Variants in KMT2A observed in about 807,000 individuals in gnomAD.
The protein encoded by KMT2A is histone-lysine N-methyltransferase 2A.
In KMT2A, 16 loss-of-function variants were observed where a neutral mutation model predicts 345.3. That is an observed-to-expected ratio of 0.05 (90% CI 0.03 to 0.07). The LOEUF is 0.07. KMT2A is among the 10% of genes least tolerant of loss of function. KMT2A has a pLI of 1.00. For missense variants in KMT2A, 3,272 were observed against 4,841.6 expected (o/e 0.68, Z 9.62); for synonymous variants, 1,599 against 1,778.6 (o/e 0.90, Z 2.54).
chr11:118,499,219 G>T (rs1405650583), intron 22 of KMT2A, 84 bp from the exon 23 acceptor site: 6 of 851,418 alleles, frequency 7.0e-6, no homozygotes, highest in Non-Finnish European at 1.2e-5. Flanking sequence ...TATGCTATGT[G>T]CCTTCCACTC....
rs1951006708 is a variant in KMT2A, at chr11:118,523,096, A to G, written c.*924A>G. 4.5e-6 allele frequency: 1 copy of G among 222,530 alleles called. No homozygotes were observed. The highest frequency in any genetic ancestry group is 5.7e-5 in the Admixed American group (1 of 17,426). The allele number at this position is 222,530 out of a possible 1,614,324, so 13.8% of individuals were successfully genotyped here. A position where few individuals can be genotyped will look rare whatever the true frequency, so the allele number is the denominator to read the frequency against. On this transcript the variant is annotated 3_prime_UTR_variant, in exon 36 of 36. Transcript: ENST00000534358. ...AGACAGAATTTGGAAACATTTTCAT[A>G]AAGCTCCATGGAGAGTTTTAAAGAA...
chr11:118,447,914 TA>T (rs1474472843), intron 1 of KMT2A: 1 of 189,186 alleles, frequency 5.3e-6, no homozygotes, highest in Non-Finnish European at 1.1e-5. Context: ...ACAGTCATGG[TA>T]AAAAGGTTAC....
intron 4 of KMT2A, 23 bp from the exon 5 acceptor site, chr11:118,477,944 C>A (rs1439655325): frequency 1.9e-6 from 3 of 1,595,986 alleles, no homozygotes; most frequent in Non-Finnish European, 2.6e-6. Context: ...TCCCTTGGAA[C>A]TAATGCCACA....
rs1555046881 is a variant in KMT2A, at chr11:118,503,803, C to T, written c.7911C>T (p.Leu2637=). ...ACATGTTTTTTGGGCTTACCCCACT[C>T]TATGGAGTAAGATCCTATGGTGAAG... The part of the protein sequence containing the change: ...RSNMFFGLTP[L]YGVRSYGEED... Residue 2637 remains leucine, a synonymous_variant, in exon 27 of 36, where the codon CTC becomes CTT. Transcript: ENST00000534358. This position sits in a 1 kb window ranked among gnomAD's most constrained non-coding sequence, Gnocchi z 5.3. 4 of 1,614,136 alleles carry T rather than the reference C, an allele frequency of 2.5e-6. No individual in the cohort carries two copies. The highest frequency in any genetic ancestry group is 3.4e-6 in the Non-Finnish European group (4 of 1,179,982).
rs1950436271 is a variant in KMT2A at position 118,497,939 on chromosome 11, G to T, written c.5668G>T (p.Ala1890Ser). 4 of 1,609,938 alleles carry T rather than the reference G, an allele frequency of 2.5e-6. No homozygotes were observed. The highest frequency in any genetic ancestry group is 3.4e-6 in the Non-Finnish European group (4 of 1,176,602). Residue 1890 changes from alanine to serine, a missense_variant, in exon 21 of 36, where the codon GCT becomes TCT. Physicochemically the swap from Ala to Ser is moderately conservative, Grantham distance 99. Coordinates refer to ENST00000534358, the MANE Select transcript of KMT2A (RefSeq NM_001197104.2). This position sits in a 1 kb window ranked among gnomAD's most constrained non-coding sequence, Gnocchi z 4.8. ...LTYGDDSAND[A>S]GRLLYIGQNE... ...AAGAAATCTCTTTATTTTATAGGATGCTGGTCGTTTACTATATATTGGCCA... is the reference window on the plus strand; with the variant it reads ...AAGAAATCTCTTTATTTTATAGGATTCTGGTCGTTTACTATATATTGGCCA...
At position 118,522,262 on chromosome 11, in the gene KMT2A, G is replaced by A. The variant is rs971679933; in HGVS notation, c.*90G>A. ...CCTTTTCCAGCAGCTGGGAGCTCCC[G>A]GATTGCGTGGCACAGCTGAGGGGCC... On this transcript the variant is annotated 3_prime_UTR_variant, in exon 36 of 36. Coordinates refer to ENST00000534358, the MANE Select transcript of KMT2A (RefSeq NM_001197104.2). This position sits in a 1 kb window ranked among gnomAD's most constrained non-coding sequence, Gnocchi z 5.4. 57 of 1,413,100 alleles carry A rather than the reference G, an allele frequency of 4.0e-5. No individual in the cohort carries two copies. The highest frequency in any genetic ancestry group is 2.5e-4 in the African/African-American group (18 of 70,860). 87.5% of individuals were successfully genotyped at this position (1,413,100 alleles called of 1,614,324 possible). A position where few individuals can be genotyped will look rare whatever the true frequency, so the allele number is the denominator to read the frequency against.
intron 1 of KMT2A, among the ~76,000 whole-genome samples, chr11:118,466,037 T>TCTTCA (rs1949837399): frequency 2.0e-5 from 3 of 152,166 alleles, no homozygotes; most frequent in Non-Finnish European, 4.4e-5. Flanking sequence ...TGTTTTAAGA[T>TCTTCA]GAAGAGAGAT....
At chr11:118,501,621 T>C (rs1286712258) in intron 25 of KMT2A, 51 bp from the exon 26 acceptor site, 1 of 1,477,478 alleles carries the variant, frequency 6.8e-7, no homozygotes, top group Non-Finnish European at 9.3e-7. Flanking sequence ...TTAATTTGTT[T>C]GATATTTTAA....
chr11:118,446,190 A>T (rs562484392), intron 1 of KMT2A, among the ~76,000 whole-genome samples: 1 of 151,924 alleles, frequency 6.6e-6, no homozygotes, highest in Non-Finnish European at 1.5e-5. Flanking sequence ...CTCTACTTAA[A>T]ATACAATAAT....
Position 118,519,094 on chromosome 11 carries a change from A to T in KMT2A, c.11147-524A>T, listed in dbSNP as rs572907081. ...CTCCATCTCAAAAAAAAAAAAAAAA[A>T]AAAAAGAAAATTAAACTTTAGTGAG... On this transcript the variant is annotated intron_variant, in intron 31 of 35. Coordinates refer to ENST00000534358, the MANE Select transcript of KMT2A (RefSeq NM_001197104.2). Among the ~76,000 whole-genome samples, 358 of 150,824 alleles carry T rather than the reference A, an allele frequency of 2.4e-3. 2 individuals carry two copies. Among genetic ancestry groups the T allele is most frequent in the Non-Finnish European group, 4.0e-3 (274 of 67,688 alleles).
chr11:118,501,656 T>C lies in KMT2A; in HGVS notation c.6320-16T>C, dbSNP rs1368347079. The C allele has an allele frequency of 6.3e-7, 1 of 1,596,044 alleles. No individual in the cohort carries two copies. Among genetic ancestry groups the C allele is most frequent in the Non-Finnish European group, 8.5e-7 (1 of 1,173,288 alleles). On this transcript the variant is annotated splice_polypyrimidine_tract_variant and intron_variant, in intron 25 of 35. Transcript: ENST00000534358. ...ATTGGGCCTTTTTAGTTAAGAGTTTTTATTTCCTGCCACAGAAAGTTCATC... is the reference window on the plus strand; with the variant it reads ...ATTGGGCCTTTTTAGTTAAGAGTTTCTATTTCCTGCCACAGAAAGTTCATC...
At position 118,480,196 on chromosome 11, in the gene KMT2A, C is replaced by A; in HGVS notation, c.3592C>A (p.Gln1198Lys). 6.2e-7 allele frequency: 1 copy of A among 1,613,530 alleles called. No individual in the cohort carries two copies. Among genetic ancestry groups the A allele is most frequent in the South Asian group, 1.1e-5 (1 of 91,076 alleles). Residue 1198 changes from glutamine to lysine, a missense_variant, in exon 6 of 36, where the codon CAA becomes AAA. Physicochemically the swap from Gln to Lys is moderately conservative, Grantham distance 53. Transcript: ENST00000534358. Reference sequence around the variant, plus strand: ...TAGGATGAGAAAATGTCAGAATCTACAATGGATGCCTTCCAAAGCCTACCT... The same window carrying A: ...TAGGATGAGAAAATGTCAGAATCTAAAATGGATGCCTTCCAAAGCCTACCT... ...CCKMRKCQNL[Q>K]WMPSKAYLQK... is the part of the protein sequence containing the mutation.
intron 31 of KMT2A, among the ~76,000 whole-genome samples, chr11:118,512,825 CATT>C (rs1311497608): frequency 2.7e-5 from 4 of 150,804 alleles, no homozygotes; most frequent in Non-Finnish European, 5.9e-5. Context: ...TTATTTTAGA[CATT>C]GTAGTGTGAA....
Position 118,502,250 on chromosome 11 carries a change from CT to C in KMT2A, c.6506-147del. 1.9e-6 allele frequency: 1 copy of C among 533,472 alleles called. No homozygotes were observed. Among genetic ancestry groups the C allele is most frequent in the Non-Finnish European group, 3.0e-6 (1 of 333,264 alleles). 33.0% of individuals were successfully genotyped at this position (533,472 alleles called of 1,614,324 possible). ...CTTGGGTGACAGAGTGAGACACTGT[CT>C]CAAAAAAGTAATAATAAATAAATAG... is the stretch of plus-strand genomic sequence containing the variant. On this transcript the variant is annotated intron_variant, in intron 26 of 35. Transcript: ENST00000534358. This position sits in a 1 kb window ranked among gnomAD's most constrained non-coding sequence, Gnocchi z 4.9.
chr11:118,506,209 C>T lies in KMT2A; in HGVS notation c.10317C>T (p.Gly3439=). ...ICVLPSTQTT[G]ITAASPSGEA... is the part of the protein sequence containing the mutation. Reference sequence around the variant, plus strand: ...TGCTCCCCTCCACTCAGACTACGGGCATAACAGCCGCTTCACCTTCTGGGG... The same window carrying T: ...TGCTCCCCTCCACTCAGACTACGGGTATAACAGCCGCTTCACCTTCTGGGG... The change falls in exon 27 of 36, where the codon GGC becomes GGT. Residue 3439 remains glycine (G), a synonymous_variant. Transcript: ENST00000534358. 6.2e-7 allele frequency: 1 copy of T among 1,614,118 alleles called. No homozygotes were observed. Among genetic ancestry groups the T allele is most frequent in the Non-Finnish European group, 8.5e-7 (1 of 1,180,030 alleles).
Position 118,482,621 on chromosome 11 carries a change from G to C in KMT2A, c.4086+126G>C. The C allele has an allele frequency of 8.7e-6, 6 of 692,244 alleles. No individual in the cohort carries two copies. The South Asian group carries it at 1.2e-4, about 14-fold the overall frequency. 42.9% of individuals were successfully genotyped at this position (692,244 alleles called of 1,614,324 possible). On this transcript the variant is annotated intron_variant, in intron 8 of 35. Transcript: ENST00000534358. Reference sequence around the variant, plus strand: ...TTAAAATTAAGAAACTTCAAGTTTAGGCTTTTAGCTGGGCACGGTGGCTCA... The same window carrying C: ...TTAAAATTAAGAAACTTCAAGTTTACGCTTTTAGCTGGGCACGGTGGCTCA...
In KMT2A at chr11:118,502,350, AT is replaced by A; in HGVS notation, c.6506-45del. The A allele has an allele frequency of 2.2e-6, 3 of 1,341,410 alleles. No homozygotes were observed. The highest frequency in any genetic ancestry group is 3.1e-6 in the Non-Finnish European group (3 of 976,150). 83.1% of individuals were successfully genotyped at this position (1,341,410 alleles called of 1,614,324 possible). A position where few individuals can be genotyped will look rare whatever the true frequency, so the allele number is the denominator to read the frequency against. On this transcript the variant is annotated intron_variant, in intron 26 of 35. Coordinates refer to ENST00000534358, the MANE Select transcript of KMT2A (RefSeq NM_001197104.2). The surrounding 1 kb of genome is among the most constrained non-coding windows in gnomAD (Gnocchi z 4.9). ...TCATTGAAACCAGTGACTTCTACAC[AT>A]TTGTTCTATCTACAATAGCATTTAT...
At position 118,522,298 on chromosome 11, in the gene KMT2A, C is replaced by T; in HGVS notation, c.*126C>T. The T allele has an allele frequency of 1.2e-6, 1 of 862,098 alleles. No individual in the cohort carries two copies. Among genetic ancestry groups the T allele is most frequent in the Non-Finnish European group, 1.8e-6 (1 of 550,372 alleles). The allele number at this position is 862,098 out of a possible 1,614,324, so 53.4% of individuals were successfully genotyped here. On this transcript the variant is annotated 3_prime_UTR_variant, in exon 36 of 36. Coordinates refer to ENST00000534358, the MANE Select transcript of KMT2A (RefSeq NM_001197104.2). The surrounding 1 kb of genome is among the most constrained non-coding windows in gnomAD (Gnocchi z 5.4). ...CACAGCTGAGGGGCCTCTGTGATGG[C>T]TGAGCTCTCTTATGTCCTATACTCA...
chr11:118,436,599 C>A lies in KMT2A; in HGVS notation c.87C>A (p.Gly29=). 8.6e-7 allele frequency: 1 copy of A among 1,164,956 alleles called. No homozygotes were observed. The highest frequency in any genetic ancestry group is 1.1e-6 in the Non-Finnish European group (1 of 939,324). 72.2% of individuals were successfully genotyped at this position (1,164,956 alleles called of 1,614,324 possible). ...GGGGGRRGLG[G]APRQRVPALL... ...GCGGGGGGCGCCGGGGCCTAGGGGG[C>A]GCCCCGCGGCAACGCGTCCCGGCCC... Residue 29 remains glycine, a synonymous_variant, in exon 1 of 36, where the codon GGC becomes GGA. Coordinates refer to ENST00000534358, the MANE Select transcript of KMT2A (RefSeq NM_001197104.2). This position sits in a 1 kb window ranked among gnomAD's most constrained non-coding sequence, Gnocchi z 6.9.
Sources: gnomAD v4.1 joint callset for allele counts (sites outside exome capture counted in the v4.1 genomes callset) on GRCh38, gnomAD v4.1.1 for gene constraint, Gnocchi (gnomAD v3.1) non-coding constraint, MANE v1.5 for transcripts, NCBI Gene and HGNC (gene_info 2026-07-23, HGNC 2026-07-21) for gene names.